CDK14: variants seen among roughly 807,000 people sequenced by gnomAD.
The protein encoded by CDK14 is cyclin-dependent kinase 14.
A neutral mutation model predicts 60.7 loss-of-function variants in CDK14; 34 were observed. That is an observed-to-expected ratio of 0.56 (90% confidence interval 0.43 to 0.75). The LOEUF is 0.75. Ranked by LOEUF, CDK14 falls within the 30% of genes least tolerant of loss-of-function variation. The pLI is 0.00. For missense variants in CDK14, 482 were observed against 564.1 expected, an observed-to-expected ratio of 0.85 and a Z score of 1.47; for synonymous variants, 197 against 203.7, an observed-to-expected ratio of 0.97 and a Z score of 0.28.
At chr7:90,636,013 A>C (rs1221051098) in intron 2 of CDK14, among the ~76,000 whole-genome samples, 10 of 151,542 alleles carry the variant, frequency 6.6e-5, no homozygotes, top group Admixed American at 1.3e-4. Context: ...GAAGTTGCTT[A>C]TCAGCTTAAG....
At chr7:91,175,246 C>A (rs1255801278) in intron 14 of CDK14, among the ~76,000 whole-genome samples, 6 of 152,246 alleles carry the variant, frequency 3.9e-5, no homozygotes, top group Admixed American at 1.3e-4. Flanking sequence ...AGTTTACAGA[C>A]AAGCAAATGC....
At chr7:90,818,198 A>C (rs768738108) in intron 5 of CDK14, among the ~76,000 whole-genome samples, 1 of 152,206 alleles carries the variant, frequency 6.6e-6, no homozygotes, top group Non-Finnish European at 1.5e-5. Context: ...GTGTTAGAAA[A>C]CAATCAAAAC....
At chr7:90,884,076 A>T (rs1473676384) in intron 6 of CDK14, among the ~76,000 whole-genome samples, 4 of 152,204 alleles carry the variant, frequency 2.6e-5, no homozygotes, top group Non-Finnish European at 5.9e-5. Flanking sequence ...TAGTGTTGGA[A>T]GTTCTGGCCA....
chr7:91,065,576 C>T (rs1225530225), intron 11 of CDK14, among the ~76,000 whole-genome samples: 2 of 152,190 alleles, frequency 1.3e-5, no homozygotes, highest in Non-Finnish European at 2.9e-5. Context: ...TTTAAAATAT[C>T]TTGATCAGAG....
intron 14 of CDK14, among the ~76,000 whole-genome samples, chr7:91,179,025 T>C (rs545050165): frequency 1.6e-3 from 240 of 152,222 alleles, no homozygotes; most frequent in Non-Finnish European, 3.0e-3. Context: ...TATTGCGGCA[T>C]TATTCACAAT....
chr7:90,738,761 T>C (rs953042707), intron 3 of CDK14, among the ~76,000 whole-genome samples: 11 of 152,176 alleles, frequency 7.2e-5, no homozygotes, highest in Non-Finnish European at 1.6e-4. Flanking sequence ...AAGCCAAAGA[T>C]AATGTTTAAG....
intron 5 of CDK14, among the ~76,000 whole-genome samples, chr7:90,836,035 A>G (rs1341317304): frequency 6.6e-6 from 1 of 152,220 alleles, no homozygotes; most frequent in Non-Finnish European, 1.5e-5. Context: ...CTTACCATGA[A>G]TGGAGCTTGC....
At chr7:91,138,114 C>T (rs1351600583) in intron 14 of CDK14, among the ~76,000 whole-genome samples, 2 of 152,106 alleles carry the variant, frequency 1.3e-5, no homozygotes, top group Non-Finnish European at 2.9e-5. Flanking sequence ...TGCTTGTTTT[C>T]TTAGTGAAAA....
rs1028814530 is a variant in CDK14 at position 91,210,539 on chromosome 7, C to T, written c.*3403C>T. On this transcript the variant is annotated 3_prime_UTR_variant, in exon 15 of 15. Transcript: ENST00000380050. ...AGATGTAATGGTTTGTCAGCTGTCA[C>T]TGTTGTTTTCTTGTAACATGATATG... 1 of 151,962 alleles carries T rather than the reference C, an allele frequency of 6.6e-6. No individual in the cohort carries two copies. Among genetic ancestry groups the T allele is most frequent in the African/African-American group, 2.4e-5 (1 of 41,350 alleles). The allele number at this position is 151,962 out of a possible 1,614,324, so 9.4% of individuals were successfully genotyped here. A position where few individuals can be genotyped will look rare whatever the true frequency, so the allele number is the denominator to read the frequency against.
intron 7 of CDK14, among the ~76,000 whole-genome samples, chr7:90,904,835 G>A (rs972935463): frequency 2.8e-4 from 42 of 152,176 alleles, no homozygotes; most frequent in African/African-American, 9.4e-4. Context: ...TTTACTCCAC[G>A]GGATCAAGAA....
chr7:90,598,704 A>ATTTGTTTTTTTTTTTTTTTT (rs1554416545), intron 1 of CDK14, among the ~76,000 whole-genome samples: 1 of 87,890 alleles, frequency 1.1e-5, no homozygotes, highest in African/African-American at 4.0e-5. Context: ...TTATCTAAGG[A>ATTTGTTTTTTTTTTTTTTTT]TTTTTTTTTT....
intron 14 of CDK14, among the ~76,000 whole-genome samples, chr7:91,182,104 A>C (rs1416865279): frequency 6.6e-6 from 1 of 152,110 alleles, no homozygotes; most frequent in East Asian, 1.9e-4. Flanking sequence ...CTCTTTCTAC[A>C]CACTGGAAAT....
At chr7:90,784,123 G>T (rs1294137957) in intron 4 of CDK14, among the ~76,000 whole-genome samples, 1 of 152,170 alleles carries the variant, frequency 6.6e-6, no homozygotes, top group African/African-American at 2.4e-5. Context: ...ATTGTCACTT[G>T]CAACATGGGT....
chr7:90,666,838 C>T (rs1044136763), intron 2 of CDK14, among the ~76,000 whole-genome samples: 1 of 152,142 alleles, frequency 6.6e-6, no homozygotes, highest in African/African-American at 2.4e-5. Flanking sequence ...CTGATTGCCA[C>T]ATAGTCCAAA....
At chr7:91,157,322 T>G (rs1801014102) in intron 14 of CDK14, among the ~76,000 whole-genome samples, 1 of 152,200 alleles carries the variant, frequency 6.6e-6, no homozygotes, top group Admixed American at 6.5e-5. Flanking sequence ...GTGCTTCTAG[T>G]CATACTTCAG....
intron 10 of CDK14, among the ~76,000 whole-genome samples, chr7:90,989,312 C>T (rs1210884533): frequency 6.6e-6 from 1 of 152,142 alleles, no homozygotes; most frequent in East Asian, 1.9e-4. Context: ...TGTATTATAA[C>T]AGCCACATGG....
chr7:90,975,847 A>G (rs1160691711), intron 9 of CDK14, among the ~76,000 whole-genome samples: 2 of 152,106 alleles, frequency 1.3e-5, no homozygotes, highest in Non-Finnish European at 2.9e-5. Context: ...ATTTCCATCT[A>G]TGTTGTCACA....
At chr7:90,782,300 C>A (rs13231092) in intron 4 of CDK14, among the ~76,000 whole-genome samples, 1 of 151,890 alleles carries the variant, frequency 6.6e-6, no homozygotes, top group Non-Finnish European at 1.5e-5. Flanking sequence ...TGCTTATCAG[C>A]TTAAGGAGAT....
intron 14 of CDK14, among the ~76,000 whole-genome samples, chr7:91,194,253 A>C (rs529927777): frequency 1.3e-5 from 2 of 152,318 alleles, no homozygotes; most frequent in East Asian, 3.9e-4. Flanking sequence ...TGATTATGAA[A>C]ATTATATAAA....
Sources: gnomAD v4.1 joint callset for allele counts (sites outside exome capture counted in the v4.1 genomes callset) on GRCh38, gnomAD v4.1.1 for gene constraint, MANE v1.5 for transcripts, NCBI Gene and HGNC (gene_info 2026-07-23, HGNC 2026-07-21) for gene names.